GDPD1: variants seen among roughly 807,000 people sequenced by gnomAD.
GDPD1 encodes the protein lysophospholipase D GDPD1.
In GDPD1, 28 loss-of-function variants were observed where a neutral mutation model predicts 45.1. The ratio of observed to expected loss-of-function variants is 0.62; its 90% CI spans 0.46 to 0.85. The LOEUF (loss-of-function observed/expected upper bound fraction) is 0.85, where lower values mean the gene tolerates loss of function less well. GDPD1 is among the 40% of genes least tolerant of loss of function. GDPD1 has a pLI of 0.00. For synonymous variants in GDPD1, 139 were observed against 131.4 expected, an observed-to-expected ratio of 1.06 and a Z score of -0.40; for missense variants, 256 against 364.8, an observed-to-expected ratio of 0.70 and a Z score of 2.43.
At chr17:59,238,922 G>A (rs2047155144) in intron 2 of GDPD1, among the ~76,000 whole-genome samples, 1 of 152,104 alleles carries the variant, frequency 6.6e-6, no homozygotes, top group Non-Finnish European at 1.5e-5. Context: ...CAAAAACTAA[G>A]GAATTGTACT....
intron 6 of GDPD1, among the ~76,000 whole-genome samples, chr17:59,259,565 T>A (rs1418848226): frequency 3.9e-5 from 2 of 51,770 alleles, no homozygotes; most frequent in African/African-American, 8.8e-5. Flanking sequence ...AGACTCTGTC[T>A]CAAAAAAAAA....
chr17:59,248,650 A>C, intron 3 of GDPD1, 90 bp from the exon 4 acceptor site: 2 of 905,382 alleles, frequency 2.2e-6, no homozygotes, highest in East Asian at 4.9e-5. Context: ...CTGTATGTTA[A>C]AGAAGCATAT....
chr17:59,270,858 T>C, intron 7 of GDPD1, 78 bp from the exon 8 acceptor site: 1 of 922,824 alleles, frequency 1.1e-6, no homozygotes, highest in Non-Finnish European at 1.7e-6. Context: ...CTGTTTTCAT[T>C]TTTGAATTTG....
At chr17:59,227,276 G>T (rs2047054403) in intron 1 of GDPD1, among the ~76,000 whole-genome samples, 1 of 151,848 alleles carries the variant, frequency 6.6e-6, no homozygotes. Flanking sequence ...AAAATTATCT[G>T]GGTATAGTGG....
intron 7 of GDPD1, among the ~76,000 whole-genome samples, chr17:59,269,895 A>G (rs1380700172): frequency 6.6e-6 from 1 of 152,148 alleles, no homozygotes. Flanking sequence ...TGTTTGCTCT[A>G]TATTTATCTT....
At chr17:59,232,332 C>T (rs2047097534) in intron 1 of GDPD1, among the ~76,000 whole-genome samples, 1 of 151,938 alleles carries the variant, frequency 6.6e-6, no homozygotes, top group East Asian at 1.9e-4. Context: ...TGCCTGTAGT[C>T]CCAGCTGCTT....
intron 6 of GDPD1, among the ~76,000 whole-genome samples, chr17:59,259,890 A>G (rs1029203159): frequency 6.6e-6 from 1 of 150,756 alleles, no homozygotes; most frequent in Non-Finnish European, 1.5e-5. Flanking sequence ...AGGAAACCCC[A>G]TCTCTACTAA....
Position 59,272,846 on chromosome 17 carries a change from T to A in GDPD1, c.822+10T>A, listed in dbSNP as rs772718486. 39 of 1,613,922 alleles carry A rather than the reference T, an allele frequency of 2.4e-5. No homozygotes were observed. Among genetic ancestry groups the A allele is most frequent in the Middle Eastern group, 1.6e-4 (1 of 6,084 alleles). ...TGCTCGAGGCATTCAAGTAAGTTTCTGGAATGATGCATTTTGGAAGCAGCA... is the reference window on the plus strand; with the variant it reads ...TGCTCGAGGCATTCAAGTAAGTTTCAGGAATGATGCATTTTGGAAGCAGCA... On this transcript the variant is annotated intron_variant, in intron 9 of 9. Coordinates refer to ENST00000284116, the MANE Select transcript of GDPD1 (RefSeq NM_182569.4).
At chr17:59,255,411 G>A (rs530192015) in intron 4 of GDPD1, among the ~76,000 whole-genome samples, 2 of 151,064 alleles carry the variant, frequency 1.3e-5, no homozygotes, top group Non-Finnish European at 3.0e-5. Context: ...GACCAGCCTG[G>A]GCAAAATACA....
chr17:59,263,333 G>A (rs2047372544), intron 6 of GDPD1, among the ~76,000 whole-genome samples: 1 of 151,794 alleles, frequency 6.6e-6, no homozygotes, highest in African/African-American at 2.4e-5. Context: ...AAAATAAAAG[G>A]CTCACTTTTG....
intron 1 of GDPD1, among the ~76,000 whole-genome samples, chr17:59,229,176 C>CA (rs1279617257): frequency 6.8e-6 from 1 of 146,060 alleles, no homozygotes; most frequent in Non-Finnish European, 1.5e-5. Flanking sequence ...TATTTTGAGA[C>CA]AGAGTCTCGC....
intron 6 of GDPD1, among the ~76,000 whole-genome samples, chr17:59,262,162 C>T (rs1037681401): frequency 6.6e-6 from 1 of 151,684 alleles, no homozygotes; most frequent in Non-Finnish European, 1.5e-5. Flanking sequence ...CCTCGTGATC[C>T]GCCCGCCTCG....
chr17:59,253,850 T>G (rs902261974), intron 4 of GDPD1, among the ~76,000 whole-genome samples: 1 of 151,936 alleles, frequency 6.6e-6, no homozygotes, highest in Non-Finnish European at 1.5e-5. Flanking sequence ...CGAGGGTGAA[T>G]GGACAGTGGG....
chr17:59,250,902 A>G (rs1038225435), intron 4 of GDPD1, among the ~76,000 whole-genome samples: 1 of 151,918 alleles, frequency 6.6e-6, no homozygotes, highest in Non-Finnish European at 1.5e-5. Context: ...GTTTCACCAC[A>G]TTGGCCAGGC....
In GDPD1 at chr17:59,231,982, T is replaced by G. The variant is rs574385482; in HGVS notation, c.143-2510T>G. The stretch of plus-strand genomic sequence containing the variant: ...AGGATGTCTTGTATACTGTTGCCAA[T>G]GCTTGGAAATCAGTGAATAAAGATA... On this transcript the variant is annotated intron_variant, in intron 1 of 9. Transcript: ENST00000284116. Among the ~76,000 whole-genome samples the G allele has an allele frequency of 3.3e-5, 5 of 152,284 alleles. No individual in the cohort carries two copies. The East Asian group carries it at 9.7e-4, about 29-fold the overall frequency.
chr17:59,224,497 C>G (rs1425440963), intron 1 of GDPD1, among the ~76,000 whole-genome samples: 1 of 151,742 alleles, frequency 6.6e-6, no homozygotes, highest in Non-Finnish European at 1.5e-5. Flanking sequence ...TGGTGGCGGG[C>G]GCCTGTAGTC....
chr17:59,232,912 T>C (rs1442283703), intron 1 of GDPD1, among the ~76,000 whole-genome samples: 1 of 152,136 alleles, frequency 6.6e-6, no homozygotes, highest in Non-Finnish European at 1.5e-5. Flanking sequence ...TGTATGGTAA[T>C]TTTTTAATCA....
rs112974878 is a variant in GDPD1 at position 59,247,384 on chromosome 17, C to G, written c.322-1356C>G. 1.3e-4 allele frequency among the ~76,000 whole-genome samples: 20 copies of G among 152,086 alleles called. No homozygotes were observed. In the South Asian group the frequency reaches 3.9e-3, roughly 30 times the overall value. ...ACATTCTGTGTTCTGCCTATTCAGT[C>G]CCCCCTTCCCTCATCCCCTGCCAAC... On this transcript the variant is annotated intron_variant, in intron 3 of 9. Coordinates refer to ENST00000284116, the MANE Select transcript of GDPD1 (RefSeq NM_182569.4).
intron 4 of GDPD1, among the ~76,000 whole-genome samples, chr17:59,251,991 CA>C (rs34224346): frequency 1.4e-3 from 83 of 60,906 alleles, no homozygotes; most frequent in South Asian, 4.6e-3. Context: ...GACTCAGTCT[CA>C]AAAAAAAAAA....
Sources: allele counts gnomAD v4.1 joint callset (sites outside exome capture counted in the v4.1 genomes callset), GRCh38; gene constraint gnomAD v4.1.1; transcripts MANE v1.5; gene names NCBI Gene and HGNC (gene_info 2026-07-23, HGNC 2026-07-21).